The following CCDC93 variants were observed in gnomAD, a reference collection of about 807,000 sequenced individuals.
CCDC93 encodes coiled-coil domain-containing protein 93.
CCDC93 carries 61 observed loss-of-function variants against 108.2 expected under a neutral mutation model. The observed-to-expected ratio is 0.56, with a 90% CI of 0.46 to 0.70. The LOEUF (loss-of-function observed/expected upper bound fraction) is 0.70. Among genes scored for constraint, CCDC93 ranks in the 30% least tolerant of loss-of-function variants. CCDC93 has a pLI of 0.00. For synonymous variants in CCDC93, 276 were observed against 260.4 expected (o/e 1.06, Z -0.58); for missense variants, 685 against 764.2 (o/e 0.90, Z 1.22).
chr2:118,011,298 C>T (rs1438840530), intron 1 of CCDC93, among the ~76,000 whole-genome samples: 1 of 152,082 alleles, frequency 6.6e-6, no homozygotes, highest in African/African-American at 2.4e-5. Context: ...CTGATAATCC[C>T]CTGCAATAGA....
At chr2:117,990,714 T>C (rs1225063964) in intron 6 of CCDC93, among the ~76,000 whole-genome samples, 3 of 151,974 alleles carry the variant, frequency 2.0e-5, no homozygotes, top group East Asian at 1.9e-4. Context: ...AAAAATGCTA[T>C]GGAGGTATCT....
chr2:117,950,028 G>A lies in CCDC93; in HGVS notation c.1069-633C>T, dbSNP rs189304864. On this transcript the variant is annotated intron_variant, in intron 13 of 23. Coordinates refer to ENST00000376300, the MANE Select transcript of CCDC93 (RefSeq NM_019044.5). ...GGTGCTTAAGTCTCAGAGGCAGGGC[G>A]GGGTCCCACATAGTTGGTGATACCC... 2.3e-4 allele frequency: 231 copies of A among 985,386 alleles called. 1 individual carries two copies. In the East Asian group the frequency reaches 8.5e-3, roughly 36 times the overall value. 61.0% of individuals were successfully genotyped at this position (985,386 alleles called of 1,614,324 possible).
At chr2:117,954,154 A>G (rs1679147713) in intron 12 of CCDC93, among the ~76,000 whole-genome samples, 1 of 152,196 alleles carries the variant, frequency 6.6e-6, no homozygotes, top group South Asian at 2.1e-4. Context: ...CTTCTTGTGT[A>G]GCCTCTCACC....
At chr2:117,948,212 C>T in intron 14 of CCDC93, 26 bp from the exon 15 acceptor site, 1 of 1,533,540 alleles carries the variant, frequency 6.5e-7, no homozygotes, top group Non-Finnish European at 9.0e-7. Flanking sequence ...AAAAAAATGA[C>T]ATATGGCAGG....
chr2:117,920,524 A>G (rs758381550), intron 23 of CCDC93, 128 bp from the exon 24 acceptor site: 7 of 538,664 alleles, frequency 1.3e-5, no homozygotes, highest in Non-Finnish European at 2.3e-5. Flanking sequence ...GTCTCTTGGC[A>G]TGCTGCCGCC....
intron 13 of CCDC93, chr2:117,951,136 T>C: frequency 1.0e-6 from 1 of 984,606 alleles, no homozygotes; most frequent in Non-Finnish European, 1.2e-6. Flanking sequence ...ATCAAGATAT[T>C]TTGCCTTTAA....
At chr2:117,943,325 A>G (rs1678765676) in intron 18 of CCDC93, among the ~76,000 whole-genome samples, 1 of 152,380 alleles carries the variant, frequency 6.6e-6, no homozygotes, top group African/African-American at 2.4e-5. Context: ...TCAGTCAAAA[A>G]GTTTCCAAAT....
chr2:117,958,101 C>T (rs1202124823), intron 12 of CCDC93, among the ~76,000 whole-genome samples: 1 of 152,174 alleles, frequency 6.6e-6, no homozygotes, highest in Non-Finnish European at 1.5e-5. Context: ...ATTTTTTCTG[C>T]AAAGGGCTGG....
Position 117,941,485 on chromosome 2 carries a change from G to A in CCDC93, c.1414-188C>T, listed in dbSNP as rs533567945. On this transcript the variant is annotated intron_variant, in intron 18 of 23. Transcript: ENST00000376300. ...TGGATTGACTTTCCCGCTTTCCTAGGAGTGGGAGGTGGTGTGACTGTGAAC... is the reference window on the plus strand; with the variant it reads ...TGGATTGACTTTCCCGCTTTCCTAGAAGTGGGAGGTGGTGTGACTGTGAAC... Among the ~76,000 whole-genome samples the A allele has an allele frequency of 7.2e-5, 11 of 152,248 alleles. No individual in the cohort carries two copies. In the South Asian group the frequency reaches 2.3e-3, roughly 32 times the overall value.
In CCDC93 at chr2:117,985,976, A is replaced by G. The variant is rs752835316; in HGVS notation, c.613T>C (p.Tyr205His). Residue 205 changes from tyrosine (Y) to histidine (H), a missense_variant, in exon 7 of 24, where the codon TAT (tyrosine) becomes CAT (histidine). Transcript: ENST00000376300. Reference sequence around the variant, plus strand: ...CTGGGTCCCACTCATTACCTGCCATATTCCAAAAGTGTAGCATGGATTCGA... The same window carrying G: ...CTGGGTCCCACTCATTACCTGCCATGTTCCAAAAGTGTAGCATGGATTCGA... ...ESRIHATLLE[Y>H]GRRYGFSRQS... 3 of 1,605,624 alleles carry G rather than the reference A, an allele frequency of 1.9e-6. No homozygotes were observed. Among genetic ancestry groups the G allele is most frequent in the Admixed American group, 1.7e-5 (1 of 59,800 alleles).
intron 23 of CCDC93, among the ~76,000 whole-genome samples, chr2:117,924,165 C>A (rs560021931): frequency 6.6e-6 from 1 of 152,100 alleles, no homozygotes; most frequent in African/African-American, 2.4e-5. Context: ...TAGATAAAAC[C>A]ACAAAGATGG....
rs574886833 is a variant in CCDC93 at position 117,987,374 on chromosome 2, C to T, written c.520-1305G>A. On this transcript the variant is annotated intron_variant, in intron 6 of 23. Transcript: ENST00000376300. Reference sequence around the variant, plus strand: ...GTCCCTGACACTACCTTGCCCCAGGCTGCCACTCTAGCCACCCACCAGCCA... The same window carrying T: ...GTCCCTGACACTACCTTGCCCCAGGTTGCCACTCTAGCCACCCACCAGCCA... Among the ~76,000 whole-genome samples the T allele has an allele frequency of 3.0e-4, 45 of 152,310 alleles. 1 individual carries two copies. The East Asian group carries it at 6.7e-3, about 23-fold the overall frequency.
chr2:117,944,143 G>T, intron 17 of CCDC93, 57 bp from the exon 18 acceptor site: 1 of 1,258,662 alleles, frequency 7.9e-7, no homozygotes, highest in Non-Finnish European at 1.1e-6. Context: ...ACTCTTTAAT[G>T]GAGTCTTTGA....
In CCDC93 at chr2:117,939,101, C is replaced by A. The variant is rs1290234145; in HGVS notation, c.1533G>T (p.Val511=). 9 of 1,602,502 alleles carry A rather than the reference C, an allele frequency of 5.6e-6. No homozygotes were observed. Among genetic ancestry groups the A allele is most frequent in the Non-Finnish European group, 7.7e-6 (9 of 1,170,158 alleles). The change falls in exon 20 of 24, where the codon GTG becomes GTT. Residue 511 remains valine, a synonymous_variant. Coordinates refer to ENST00000376300, the MANE Select transcript of CCDC93 (RefSeq NM_019044.5). The part of the protein sequence containing the change: ...FIELYRQISA[V]HKETKQFFTL... ...TGAAGAACTGCTTGGTTTCTTTGTG[C>A]ACTGCTGAAACTGTAAAAGTAAAGA... is the stretch of plus-strand genomic sequence containing the variant.
intron 22 of CCDC93, among the ~76,000 whole-genome samples, chr2:117,935,155 T>C (rs1210632506): frequency 1.3e-5 from 2 of 152,206 alleles, no homozygotes; most frequent in Non-Finnish European, 2.9e-5. Context: ...AGCGGAAGCC[T>C]GCTGGTGAAA....
chr2:118,008,460 A>G (rs1313423031), intron 2 of CCDC93, 85 bp downstream of exon 2: 5 of 791,348 alleles, frequency 6.3e-6, no homozygotes, highest in Non-Finnish European at 1.1e-5. Flanking sequence ...AAGTTAAAAC[A>G]TCATCTTTTC....
At chr2:117,956,455 T>C (rs558151580) in intron 12 of CCDC93, among the ~76,000 whole-genome samples, 14 of 152,306 alleles carry the variant, frequency 9.2e-5, no homozygotes, top group Admixed American at 5.2e-4. Context: ...GAAGCAAATG[T>C]CCGTTCCTGC....
Position 117,918,726 on chromosome 2 carries a change from A to T in CCDC93, c.*1617T>A, listed in dbSNP as rs1332094382. On this transcript the variant is annotated 3_prime_UTR_variant, in exon 24 of 24. Coordinates refer to ENST00000376300, the MANE Select transcript of CCDC93 (RefSeq NM_019044.5). ...ACTTGCTTCAACTTAGCCCTTCAAA[A>T]CCCCCACATGACCACGGCTCAGGGA... 6.6e-6 allele frequency: 1 copy of T among 151,776 alleles called. No individual in the cohort carries two copies. Among genetic ancestry groups the T allele is most frequent in the African/African-American group, 2.4e-5 (1 of 41,310 alleles). The allele number at this position is 151,776 out of a possible 1,614,324, so 9.4% of individuals were successfully genotyped here.
chr2:117,946,996 C>A, intron 15 of CCDC93, 114 bp from the exon 16 acceptor site: 1 of 818,474 alleles, frequency 1.2e-6, no homozygotes, highest in Non-Finnish European at 2.0e-6. Context: ...TATTCTGGGA[C>A]GAAAAGCTAA....
Sources: allele counts gnomAD v4.1 joint callset (sites outside exome capture counted in the v4.1 genomes callset), GRCh38; gene constraint gnomAD v4.1.1; transcripts MANE v1.5; gene names NCBI Gene and HGNC (gene_info 2026-07-23, HGNC 2026-07-21).